HDAC8: variants seen among roughly 807,000 people sequenced by gnomAD.
The protein encoded by HDAC8 is histone deacetylase-like 1.
In HDAC8, 1 loss-of-function variant was observed where a neutral mutation model predicts 32.2. The ratio of observed to expected loss-of-function variants is 0.03; its 90% CI spans 0.01 to 0.15. HDAC8 has a LOEUF of 0.15. HDAC8 is among the 10% of genes least tolerant of loss of function. The probability of loss-of-function intolerance (pLI) is 1.00; values close to 1 mark genes in which losing one functional copy is unlikely to be tolerated. For synonymous variants in HDAC8, 108 were observed against 113.9 expected (o/e 0.95, Z 0.33); for missense variants, 117 against 300.0 (o/e 0.39, Z 4.51).
intron 7 of HDAC8, among the ~76,000 whole-genome samples, chrX:72,488,233 C>T (rs781952763): frequency 9.0e-6 from 1 of 111,436 alleles, no homozygotes; most frequent in East Asian, 2.8e-4. Flanking sequence ...ACCTCAATCC[C>T]CGTTACTTAC....
At chrX:72,493,026 G>C (rs1296303863) in intron 5 of HDAC8, among the ~76,000 whole-genome samples, 1 of 111,830 alleles carries the variant, frequency 8.9e-6, no homozygotes, top group Non-Finnish European at 1.9e-5. Context: ...CGGGACTTGA[G>C]AGGAGGGAGA....
At chrX:72,513,273 T>G (rs1326617922) in intron 4 of HDAC8, among the ~76,000 whole-genome samples, 2 of 112,169 alleles carry the variant, frequency 1.8e-5, no homozygotes, top group Non-Finnish European at 3.8e-5. Context: ...ATTATTCACC[T>G]TTGGTACCTA....
chrX:72,443,025 G>C (rs1239851376), intron 9 of HDAC8, among the ~76,000 whole-genome samples: 1 of 107,501 alleles, frequency 9.3e-6, no homozygotes, highest in Non-Finnish European at 1.9e-5. Context: ...GGAGCACCCA[G>C]ATTCATAAAG....
intron 9 of HDAC8, among the ~76,000 whole-genome samples, chrX:72,362,277 G>A (rs782134883): frequency 4.5e-5 from 5 of 111,191 alleles, no homozygotes; most frequent in East Asian, 2.8e-4. Context: ...AACCTCCCCC[G>A]TCTCTCTCTT....
chrX:72,480,527 C>T, intron 7 of HDAC8: 2 of 286,334 alleles, frequency 7.0e-6, no homozygotes, highest in Non-Finnish European at 1.3e-5. Context: ...ACCAGAAATA[C>T]CATCTGACCC....
chrX:72,535,115 C>T (rs1389102872), intron 4 of HDAC8, among the ~76,000 whole-genome samples: 9 of 112,075 alleles, frequency 8.0e-5, no homozygotes, highest in Admixed American at 6.6e-4. Context: ...AAACAAGGTA[C>T]GTTGTTTTCC....
At chrX:72,455,333 C>T (rs2047690631) in intron 9 of HDAC8, among the ~76,000 whole-genome samples, 1 of 111,618 alleles carries the variant, frequency 9.0e-6, no homozygotes, top group East Asian at 2.8e-4. Context: ...TGATAAAGCA[C>T]TAAAAAGTAT....
intron 9 of HDAC8, among the ~76,000 whole-genome samples, chrX:72,354,326 T>C (rs1384892345): frequency 6.2e-5 from 7 of 112,228 alleles, no homozygotes; most frequent in Non-Finnish European, 1.3e-4. Context: ...GGGACTCAGA[T>C]TGTTTAAGAA....
intron 9 of HDAC8, among the ~76,000 whole-genome samples, chrX:72,443,129 A>T (rs878944626): frequency 9.0e-6 from 1 of 110,842 alleles, no homozygotes; most frequent in Non-Finnish European, 1.9e-5. Context: ...CAGATCAGCG[A>T]GACAGAAAGT....
At chrX:72,349,812 G>A (rs1335972042) in intron 10 of HDAC8, among the ~76,000 whole-genome samples, 1 of 111,837 alleles carries the variant, frequency 8.9e-6, no homozygotes, top group Non-Finnish European at 1.9e-5. Flanking sequence ...TATGTGTGCA[G>A]GGAAGCAAGG....
intron 4 of HDAC8, among the ~76,000 whole-genome samples, chrX:72,505,630 C>T (rs1156965206): frequency 9.0e-6 from 1 of 110,720 alleles, no homozygotes; most frequent in Non-Finnish European, 1.9e-5. Flanking sequence ...CTCATCTTCA[C>T]AAAAAGTTTT....
At chrX:72,454,329 A>G (rs1201301387) in intron 9 of HDAC8, among the ~76,000 whole-genome samples, 1 of 110,906 alleles carries the variant, frequency 9.0e-6, no homozygotes, top group Non-Finnish European at 1.9e-5. Context: ...CCAATTAGGG[A>G]TATAAGGGGT....
chrX:72,356,277 G>C (rs1249368772), intron 9 of HDAC8, among the ~76,000 whole-genome samples: 1 of 111,459 alleles, frequency 9.0e-6, no homozygotes, highest in African/African-American at 3.3e-5. Flanking sequence ...AGGGGGTATA[G>C]AGGATGGGAG....
rs1300037779 is a variant in HDAC8 at position 72,387,570 on chromosome X, G to A, written c.1006-35732C>T. ...CTCAGACTCCAGAGCCACCCTGCCT[G>A]GGTCTGAATCCTAGCCCTGCCACTT... On this transcript the variant is annotated intron_variant, in intron 9 of 10. Transcript: ENST00000373573. 4.5e-5 allele frequency among the ~76,000 whole-genome samples: 5 copies of A among 111,732 alleles called. No homozygotes were observed. In the Admixed American group the frequency reaches 4.8e-4, roughly 11 times the overall value.
chrX:72,540,227 T>C (rs1265567172), intron 4 of HDAC8, among the ~76,000 whole-genome samples: 2 of 112,860 alleles, frequency 1.8e-5, no homozygotes, highest in Admixed American at 9.4e-5. Flanking sequence ...CTCTGAAGAA[T>C]GGTTTCTTAA....
At chrX:72,445,061 T>C (rs1417816932) in intron 9 of HDAC8, among the ~76,000 whole-genome samples, 1 of 108,899 alleles carries the variant, frequency 9.2e-6, no homozygotes, top group South Asian at 4.1e-4. Flanking sequence ...GAACATTCCA[T>C]GCTCATGGGT....
chrX:72,559,828 C>A (rs1041128921), intron 4 of HDAC8, among the ~76,000 whole-genome samples: 1 of 110,618 alleles, frequency 9.0e-6, no homozygotes, highest in East Asian at 2.9e-4. Flanking sequence ...AGCCCCTCCG[C>A]CCAGCAGCTG....
chrX:72,433,119 G>C lies in HDAC8; in HGVS notation c.1005+28885C>G, dbSNP rs782633297. ...CTTTATACTTGTGAGTGTCTCATGT[G>C]TGATGATTGTAAGTATATAAACCAG... On this transcript the variant is annotated intron_variant, in intron 9 of 10. Transcript: ENST00000373573. 3.6e-5 allele frequency among the ~76,000 whole-genome samples: 4 copies of C among 111,729 alleles called. No homozygotes were observed. In the South Asian group the frequency reaches 1.5e-3, roughly 42 times the overall value.
chrX:72,483,899 G>C (rs906476462), intron 7 of HDAC8, among the ~76,000 whole-genome samples: 12 of 112,048 alleles, frequency 1.1e-4, no homozygotes, highest in Non-Finnish European at 1.9e-4. Flanking sequence ...AAAAACTTAG[G>C]CTTTAATGAG....
Sources: gnomAD v4.1 joint callset for allele counts (sites outside exome capture counted in the v4.1 genomes callset) on GRCh38, gnomAD v4.1.1 for gene constraint, MANE v1.5 for transcripts, NCBI Gene and HGNC (gene_info 2026-07-23, HGNC 2026-07-21) for gene names.